GPAM: variants seen among roughly 807,000 people sequenced by gnomAD.
GPAM encodes the protein glycerol-3-phosphate acyltransferase 1, mitochondrial.
A neutral mutation model predicts 105.0 loss-of-function variants in GPAM; 56 were observed. That is an observed-to-expected ratio of 0.53 (90% CI 0.43 to 0.67). The LOEUF (loss-of-function observed/expected upper bound fraction) is 0.67, where lower values mean the gene tolerates loss of function less well. Ranked by LOEUF, GPAM falls within the 30% of genes least tolerant of loss-of-function variation. GPAM has a pLI of 0.00. For synonymous variants in GPAM, 368 were observed against 354.4 expected (o/e 1.04, Z -0.43); for missense variants, 855 against 989.8 (o/e 0.86, Z 1.83).
chr10:112,166,873 C>G (rs968013813), intron 11 of GPAM, among the ~76,000 whole-genome samples: 1 of 152,070 alleles, frequency 6.6e-6, no homozygotes. Context: ...AATAAAACAT[C>G]AAAGAGGCCA....
Position 112,163,808 on chromosome 10 carries a change from T to C in GPAM, c.1316A>G (p.Asp439Gly). 1 of 1,539,556 alleles carries C rather than the reference T, an allele frequency of 6.5e-7. No individual in the cohort carries two copies. ...CGTGTCTCTACCTTCATCAGCAGCATCACTGGGTCTAAAAAGTGTTTCAAA... is the reference window on the plus strand; with the variant it reads ...CGTGTCTCTACCTTCATCAGCAGCACCACTGGGTCTAAAAAGTGTTTCAAA... ...LPAILPSRPS[D>G]AADEGRDTSI... The change falls in exon 14 of 22, where the codon GAT becomes GGT. Residue 439 changes from aspartate (D) to glycine (G), a missense_variant. Asp to Gly is a moderately conservative substitution (Grantham distance 94). Coordinates refer to ENST00000348367, the MANE Select transcript of GPAM (RefSeq NM_001244949.2).
intron 21 of GPAM, chr10:112,154,015 A>G (rs1219555458): frequency 1.2e-5 from 3 of 250,276 alleles, no homozygotes; most frequent in Non-Finnish European, 2.3e-5. Flanking sequence ...TAGAACTTAC[A>G]TTCCCCATGA....
At chr10:112,167,701 G>A (rs79737204) in intron 11 of GPAM, among the ~76,000 whole-genome samples, 2,567 of 152,276 alleles carry the variant, frequency 0.017, 73 homozygotes, top group African/African-American at 0.059. Context: ...TTACCCTTGC[G>A]GGGATGATGA....
intron 1 of GPAM, among the ~76,000 whole-genome samples, chr10:112,207,245 C>T (rs797022284): frequency 5.9e-5 from 9 of 152,260 alleles, no homozygotes; most frequent in South Asian, 2.1e-4. Flanking sequence ...AGTCCCCACA[C>T]GAAAAGACTT....
rs774899115 is a variant in GPAM at position 112,166,437 on chromosome 10, C to T, written c.1186G>A (p.Val396Ile). ...AATGGCTGTGCAAAATCCACTCGGA[C>T]ACAACCATAGTTTTTTCGTAACATT... is the stretch of plus-strand genomic sequence containing the variant. Reference protein sequence around the residue: ...IRMLRKNYGCVRVDFAQPFSL... With the variant: ...IRMLRKNYGCIRVDFAQPFSL... The change falls in exon 12 of 22, where the codon GTC becomes ATC. Residue 396 changes from valine (V) to isoleucine (I), a missense_variant. Coordinates refer to ENST00000348367, the MANE Select transcript of GPAM (RefSeq NM_001244949.2). The T allele has an allele frequency of 1.2e-6, 2 of 1,608,656 alleles. No homozygotes were observed. The highest frequency in any genetic ancestry group is 1.7e-6 in the Non-Finnish European group (2 of 1,175,092).
At chr10:112,176,560 C>T (rs1847408585) in intron 5 of GPAM, among the ~76,000 whole-genome samples, 1 of 152,168 alleles carries the variant, frequency 6.6e-6, no homozygotes, top group African/African-American at 2.4e-5. Context: ...TATTTCTTCA[C>T]CTCTCCTTCC....
At chr10:112,219,261 AT>A (rs1300032531), upstream of GPAM, among the ~76,000 whole-genome samples, 8 of 152,186 alleles carry the variant, frequency 5.3e-5, no homozygotes, top group African/African-American at 1.9e-4. Context: ...AAAGCTCTCC[AT>A]GGGGGTAGAG....
chr10:112,158,981 G>C (rs1847070685), intron 17 of GPAM, among the ~76,000 whole-genome samples: 1 of 152,000 alleles, frequency 6.6e-6, no homozygotes, highest in South Asian at 2.1e-4. Flanking sequence ...CCTAACACAT[G>C]CACTCATCTC....
chr10:112,157,750 T>C lies in GPAM; in HGVS notation c.1981-361A>G, dbSNP rs538500284. Among the ~76,000 whole-genome samples, 30 of 152,338 alleles carry C rather than the reference T, an allele frequency of 2.0e-4. 1 individual carries two copies. The East Asian group carries it at 5.8e-3, about 29-fold the overall frequency. ...GATGTGCAAGCTGCAAGCATACTGA[T>C]AGGTGTAACGTCTCAACTTAGCATA... On this transcript the variant is annotated intron_variant, in intron 18 of 21. Coordinates refer to ENST00000348367, the MANE Select transcript of GPAM (RefSeq NM_001244949.2).
At chr10:112,224,451 C>T in the GPAM span, among the ~76,000 whole-genome samples, 95 of 152,246 alleles carry the variant, frequency 6.2e-4, no homozygotes, top group Admixed American at 1.4e-3. Flanking sequence ...CCTTAGGTTG[C>T]AGTTCAGGAG....
chr10:112,179,882 T>A (rs549122960), intron 4 of GPAM, among the ~76,000 whole-genome samples: 1 of 152,230 alleles, frequency 6.6e-6, no homozygotes, highest in Non-Finnish European at 1.5e-5. Context: ...ACCGAAAATA[T>A]ACCTCTCACC....
chr10:112,188,222 AT>A (rs1313611309), upstream of GPAM, among the ~76,000 whole-genome samples: 11 of 152,132 alleles, frequency 7.2e-5, no homozygotes, highest in Admixed American at 2.0e-4. Flanking sequence ...AAGTAGGAAA[AT>A]AAAAAACAAT....
chr10:112,186,794 G>A (rs184176399), upstream of GPAM, among the ~76,000 whole-genome samples: 6 of 152,208 alleles, frequency 3.9e-5, no homozygotes, highest in East Asian at 1.9e-4. Flanking sequence ...CAAGTGATGC[G>A]CCTGCCTCGA....
rs1847356653 is a variant in GPAM, at chr10:112,173,848, G to C, written c.414-3C>G. 1 of 1,608,218 alleles carries C rather than the reference G, an allele frequency of 6.2e-7. No homozygotes were observed. On this transcript the variant is annotated splice_region_variant and splice_polypyrimidine_tract_variant and intron_variant, in intron 6 of 21. Transcript: ENST00000348367. ...CTTCTGCAATTGCCTCTTGTACTCT[G>C]GTATGAAAATGGAAAAAGAGACAAT...
chr10:112,159,211 A>ATTT (rs1847076016), intron 17 of GPAM, among the ~76,000 whole-genome samples: 1 of 93,760 alleles, frequency 1.1e-5, no homozygotes, highest in African/African-American at 4.0e-5. Context: ...TGAGCAGATG[A>ATTT]TTTTCTTTTT....
At chr10:112,216,570 G>A (rs1419112318), upstream of GPAM, among the ~76,000 whole-genome samples, 1 of 152,074 alleles carries the variant, frequency 6.6e-6, no homozygotes, top group East Asian at 1.9e-4. Flanking sequence ...CTGGGGAAAG[G>A]AGAAAAAGCA....
chr10:112,163,793 C>A lies in GPAM; in HGVS notation c.1331G>T (p.Gly444Val). Residue 444 changes from glycine to valine, a missense_variant, in exon 14 of 22, where the codon GGT becomes GTT. Physicochemically the swap from Gly to Val is moderately radical, Grantham distance 109. Transcript: ENST00000348367. Reference protein sequence around the residue: ...PSRPSDAADEGRDTSINESRN... With the variant: ...PSRPSDAADEVRDTSINESRN... Reference sequence around the variant, plus strand: ...GGACTCATTAATGGACGTGTCTCTACCTTCATCAGCAGCATCACTGGGTCT... The same window carrying A: ...GGACTCATTAATGGACGTGTCTCTAACTTCATCAGCAGCATCACTGGGTCT... 1 of 1,590,406 alleles carries A rather than the reference C, an allele frequency of 6.3e-7. No individual in the cohort carries two copies. Among genetic ancestry groups the A allele is most frequent in the East Asian group, 2.2e-5 (1 of 44,752 alleles).
chr10:112,166,001 T>C (rs980329616), intron 12 of GPAM, among the ~76,000 whole-genome samples: 5 of 152,136 alleles, frequency 3.3e-5, no homozygotes, highest in South Asian at 2.1e-4. Flanking sequence ...ACTTAGCTTT[T>C]TGTGGGGGGT....
chr10:112,151,830 G>T lies in GPAM; in HGVS notation c.*1720C>A. 1.0e-6 allele frequency: 1 copy of T among 985,104 alleles called. No homozygotes were observed. The highest frequency in any genetic ancestry group is 1.2e-6 in the Non-Finnish European group (1 of 829,658). 61.0% of individuals were successfully genotyped at this position (985,104 alleles called of 1,614,324 possible). A position where few individuals can be genotyped will look rare whatever the true frequency, so the allele number is the denominator to read the frequency against. ...TATCCTCCAAATGTAGCCAAGAAAAGTGTTCTTCTACCCTAGTCAGTAAAA... is the reference window on the plus strand; with the variant it reads ...TATCCTCCAAATGTAGCCAAGAAAATTGTTCTTCTACCCTAGTCAGTAAAA... On this transcript the variant is annotated 3_prime_UTR_variant, in exon 22 of 22. Transcript: ENST00000348367.
Sources: gnomAD v4.1 joint callset for allele counts (sites outside exome capture counted in the v4.1 genomes callset) on GRCh38, gnomAD v4.1.1 for gene constraint, MANE v1.5 for transcripts, NCBI Gene and HGNC (gene_info 2026-07-23, HGNC 2026-07-21) for gene names.